Variants in UBR2 observed in about 807,000 individuals in gnomAD.
The protein encoded by UBR2 is E3 ubiquitin-protein ligase UBR2.
A neutral mutation model predicts 247.9 loss-of-function variants in UBR2; 92 were observed. The observed-to-expected ratio is 0.37, with a 90% CI of 0.31 to 0.44. The LOEUF (loss-of-function observed/expected upper bound fraction) is 0.44, where lower values mean the gene tolerates loss of function less well. Among genes scored for constraint, UBR2 ranks in the 20% least tolerant of loss-of-function variants. UBR2 has a pLI of 1.00. For synonymous variants in UBR2, 672 were observed against 693.5 expected, an observed-to-expected ratio of 0.97 and a Z score of 0.49; for missense variants, 1,613 against 2,112.6, an observed-to-expected ratio of 0.76 and a Z score of 4.64.
chr6:42,635,680 C>T (rs1796048776), intron 14 of UBR2, 134 bp downstream of exon 14: 2 of 1,086,134 alleles, frequency 1.8e-6, no homozygotes, highest in Admixed American at 2.9e-5. Flanking sequence ...TATTTTCCTT[C>T]TCCACCTATA....
chr6:42,689,837 A>G lies in UBR2; in HGVS notation c.5126+167A>G, dbSNP rs1799653632. ...CAGCCTGGTTTGGTGTTCTTTTCCC[A>G]GCCTTCAGAATGCCATGAGGAACAT... is the stretch of plus-strand genomic sequence containing the variant. On this transcript the variant is annotated intron_variant, in intron 46 of 46. Coordinates refer to ENST00000372901, the MANE Select transcript of UBR2 (RefSeq NM_001363705.2). This position sits in a 1 kb window ranked among gnomAD's most constrained non-coding sequence, Gnocchi z 4.0. Among the ~76,000 whole-genome samples the G allele has an allele frequency of 6.6e-6, 1 of 152,160 alleles. No individual in the cohort carries two copies. Among genetic ancestry groups the G allele is most frequent in the African/African-American group, 2.4e-5 (1 of 41,424 alleles).
At chr6:42,674,364 G>A (rs541168655) in intron 38 of UBR2, among the ~76,000 whole-genome samples, 171 bp downstream of exon 38, 3 of 152,324 alleles carry the variant, frequency 2.0e-5, no homozygotes, top group African/African-American at 7.2e-5. Context: ...GAACCTAGTT[G>A]AGAGACTTGA....
intron 11 of UBR2, among the ~76,000 whole-genome samples, chr6:42,630,842 C>T (rs1234133439): frequency 6.6e-6 from 1 of 151,756 alleles, no homozygotes; most frequent in Non-Finnish European, 1.5e-5. Flanking sequence ...GACAGGGTCT[C>T]ACTCTGTCGC....
Position 42,649,791 on chromosome 6 carries a change from C to T in UBR2, c.2463-493C>T, listed in dbSNP as rs999941238. Among the ~76,000 whole-genome samples, 5 of 39,024 alleles carry T rather than the reference C, an allele frequency of 1.3e-4. No individual in the cohort carries two copies. In the Admixed American group the frequency reaches 1.3e-3, roughly 11 times the overall value. 25.6% of individuals were successfully genotyped at this position (39,024 alleles called of 152,430 possible). ...AATTCTTATTTAATACATCACAGTA[C>T]TTTCTTCCAGTCTCCCTTGTTTTTT... On this transcript the variant is annotated intron_variant, in intron 22 of 46. Coordinates refer to ENST00000372901, the MANE Select transcript of UBR2 (RefSeq NM_001363705.2).
chr6:42,620,979 G>A (rs1421463704), intron 11 of UBR2, among the ~76,000 whole-genome samples: 2 of 151,610 alleles, frequency 1.3e-5, no homozygotes, highest in Non-Finnish European at 2.9e-5. Flanking sequence ...TATTTTGTTT[G>A]TTTGTTTGTT....
intron 18 of UBR2, among the ~76,000 whole-genome samples, chr6:42,642,698 A>G (rs1336146100): frequency 6.6e-6 from 1 of 152,044 alleles, no homozygotes; most frequent in African/African-American, 2.4e-5. Flanking sequence ...ATAACTCCTC[A>G]TGTTTCCTCC....
chr6:42,616,846 C>T (rs189489541), intron 10 of UBR2, among the ~76,000 whole-genome samples: 51 of 152,204 alleles, frequency 3.4e-4, no homozygotes, highest in African/African-American at 1.1e-3. Context: ...CCAAGAATGG[C>T]GGCCCAAGCA....
intron 25 of UBR2, among the ~76,000 whole-genome samples, chr6:42,655,404 G>A (rs1306900277): frequency 6.6e-6 from 1 of 151,046 alleles, no homozygotes; most frequent in African/African-American, 2.4e-5. Flanking sequence ...CTTGAACCTG[G>A]GAGGCAGAGG....
rs59248267 is a variant in UBR2 at position 42,659,520 on chromosome 6, TACACACACACACAC to T, written c.3243-107_3243-94del. 96 of 502,952 alleles carry T rather than the reference TACACACACACACAC, an allele frequency of 1.9e-4. No homozygotes were observed. The highest frequency in any genetic ancestry group is 9.1e-4 in the South Asian group (34 of 37,478). 31.2% of individuals were successfully genotyped at this position (502,952 alleles called of 1,614,324 possible). A position where few individuals can be genotyped will look rare whatever the true frequency, so the allele number is the denominator to read the frequency against. On this transcript the variant is annotated intron_variant, in intron 29 of 46. Transcript: ENST00000372901. The surrounding 1 kb of genome is among the most constrained non-coding windows in gnomAD (Gnocchi z 4.3). ...GTCTCAAAAAATAAATAAATATATA[TACACACACACACAC>T]ACACACACACACACACACACACACA... is the stretch of plus-strand genomic sequence containing the variant.
intron 20 of UBR2, 67 bp from the exon 21 acceptor site, chr6:42,645,399 A>G: frequency 1.4e-6 from 2 of 1,396,876 alleles, no homozygotes; most frequent in Non-Finnish European, 2.0e-6. Context: ...ATGAATTATA[A>G]GTATATATCA....
At chr6:42,578,826 G>A (rs1459019647) in intron 2 of UBR2, among the ~76,000 whole-genome samples, 2 of 152,122 alleles carry the variant, frequency 1.3e-5, no homozygotes, top group Middle Eastern at 6.3e-3. Flanking sequence ...AGCTGGGCAT[G>A]GTGGTTCATG....
intron 18 of UBR2, among the ~76,000 whole-genome samples, chr6:42,643,300 A>G (rs1206095135): frequency 6.6e-6 from 1 of 152,142 alleles, no homozygotes; most frequent in Non-Finnish European, 1.5e-5. Flanking sequence ...TAGTCATTAT[A>G]GAAAAATAAA....
At chr6:42,670,264 C>T in intron 35 of UBR2, 24 bp downstream of exon 35, 1 of 1,605,448 alleles carries the variant, frequency 6.2e-7, no homozygotes, top group Non-Finnish European at 8.5e-7. Flanking sequence ...AGCTGTTTCT[C>T]TATAAGTCAC....
At chr6:42,568,055 A>T (rs980801344) in intron 1 of UBR2, among the ~76,000 whole-genome samples, 7 of 152,080 alleles carry the variant, frequency 4.6e-5, no homozygotes, top group African/African-American at 1.4e-4. Flanking sequence ...TTCAAAAAAA[A>T]TTTTGTTTTA....
chr6:42,628,739 A>G (rs1582583734), intron 11 of UBR2, among the ~76,000 whole-genome samples: 1 of 151,986 alleles, frequency 6.6e-6, no homozygotes, highest in East Asian at 1.9e-4. Flanking sequence ...AAAAAAAAAA[A>G]AAAATAGTGC....
rs1345269442 is a variant in UBR2, at chr6:42,655,483, C to T, written c.2770-138C>T. 4 of 483,332 alleles carry T rather than the reference C, an allele frequency of 8.3e-6. No individual in the cohort carries two copies. In the African/African-American group the frequency reaches 8.3e-5, roughly 10 times the overall value. 29.9% of individuals were successfully genotyped at this position (483,332 alleles called of 1,614,324 possible). A position where few individuals can be genotyped will look rare whatever the true frequency, so the allele number is the denominator to read the frequency against. ...AAAAAAAAAGAAAAAAAAATTAGTA[C>T]TTCAAATTGTTTTTAATTGCATTTA... On this transcript the variant is annotated intron_variant, in intron 25 of 46. Transcript: ENST00000372901.
In UBR2 at chr6:42,665,472, A is replaced by G. The variant is rs774092520; in HGVS notation, c.3762A>G (p.Ile1254Met). 1 of 1,613,134 alleles carries G rather than the reference A, an allele frequency of 6.2e-7. No homozygotes were observed. Residue 1254 changes from isoleucine (I) to methionine (M), a missense_variant, in exon 33 of 47, where the codon ATA becomes ATG. By Grantham distance (10) the Ile-to-Met change is conservative. Transcript: ENST00000372901. ...GGATTAGAACAATATCTCAGCAAAT[A>G]AAAGCATTACAGTTTCTTAGGAAAG... ...TQWIRTISQQIKALQFLRKEE... is the reference protein window; with the variant it reads ...TQWIRTISQQMKALQFLRKEE...
At chr6:42,650,809 A>G (rs529788641) in intron 23 of UBR2, among the ~76,000 whole-genome samples, 7 of 152,184 alleles carry the variant, frequency 4.6e-5, no homozygotes, top group Non-Finnish European at 8.8e-5. Context: ...ATATGGGTAT[A>G]GTTTTTTAAA....
At chr6:42,595,383 A>G (rs1302741177) in intron 4 of UBR2, among the ~76,000 whole-genome samples, 1 of 152,148 alleles carries the variant, frequency 6.6e-6, no homozygotes, top group Non-Finnish European at 1.5e-5. Context: ...ATGGCAGGGG[A>G]ATAGGTACAC....
Sources: allele counts gnomAD v4.1 joint callset (sites outside exome capture counted in the v4.1 genomes callset), GRCh38; gene constraint gnomAD v4.1.1; non-coding constraint Gnocchi (gnomAD v3.1); transcripts MANE v1.5; gene names NCBI Gene and HGNC (gene_info 2026-07-23, HGNC 2026-07-21).